Variants in CACNB2 observed in about 807,000 individuals in gnomAD.
CACNB2 encodes calcium voltage-gated channel auxiliary subunit beta 2, also known as voltage-dependent L-type calcium channel subunit beta-2.
A neutral mutation model predicts 73.3 loss-of-function variants in CACNB2; 42 were observed. That is an observed-to-expected ratio of 0.57 (90% CI 0.45 to 0.74). The LOEUF is 0.74. Among genes scored for constraint, CACNB2 ranks in the 30% least tolerant of loss-of-function variants. The pLI, the probability that CACNB2 is intolerant of heterozygous loss-of-function variation, is 0.00. For missense variants in CACNB2, 940 were observed against 853.0 expected, an observed-to-expected ratio of 1.10 and a Z score of -1.27; for synonymous variants, 348 against 310.3, an observed-to-expected ratio of 1.12 and a Z score of -1.28.
At chr10:18,175,637 GC>G (rs1464148560) in intron 2 of CACNB2, among the ~76,000 whole-genome samples, 1 of 152,016 alleles carries the variant, frequency 6.6e-6, no homozygotes, top group Non-Finnish European at 1.5e-5. Flanking sequence ...TCACTCTGCC[GC>G]CCAGGCTGGA....
At chr10:18,272,653 T>A (rs960025369) in intron 2 of CACNB2, among the ~76,000 whole-genome samples, 1 of 151,968 alleles carries the variant, frequency 6.6e-6, no homozygotes. Flanking sequence ...GAACAAGTCT[T>A]ACAATATCTG....
At chr10:18,476,717 C>G (rs2048458855) in intron 3 of CACNB2, among the ~76,000 whole-genome samples, 1 of 152,084 alleles carries the variant, frequency 6.6e-6, no homozygotes, top group Non-Finnish European at 1.5e-5. Flanking sequence ...AACAGAGGTA[C>G]TTTCAATTTC....
chr10:18,453,369 G>T (rs2047107408), intron 3 of CACNB2, among the ~76,000 whole-genome samples: 1 of 152,156 alleles, frequency 6.6e-6, no homozygotes, highest in Non-Finnish European at 1.5e-5. Context: ...TGTCCTTCCT[G>T]CCAGTCCCAC....
At chr10:18,303,700 G>A (rs2131845857) in intron 2 of CACNB2, among the ~76,000 whole-genome samples, 1 of 152,164 alleles carries the variant, frequency 6.6e-6, no homozygotes, top group East Asian at 1.9e-4. Context: ...ATACTGAGAG[G>A]CAACACCTGT....
At chr10:18,492,752 C>T (rs2049529828) in intron 3 of CACNB2, among the ~76,000 whole-genome samples, 1 of 151,810 alleles carries the variant, frequency 6.6e-6, no homozygotes, top group African/African-American at 2.4e-5. Flanking sequence ...TTGACTTTAA[C>T]AGCGAGTTAG....
At chr10:18,239,619 G>A (rs992416088) in intron 2 of CACNB2, among the ~76,000 whole-genome samples, 5 of 152,188 alleles carry the variant, frequency 3.3e-5, no homozygotes, top group African/African-American at 1.2e-4. Context: ...ATTGTGAATA[G>A]TGCTGCAATA....
intron 3 of CACNB2, among the ~76,000 whole-genome samples, chr10:18,491,390 C>G (rs554989118): frequency 6.6e-6 from 1 of 152,216 alleles, no homozygotes; most frequent in Admixed American, 6.5e-5. Context: ...TCAAGACCAG[C>G]CTGGGCATCA....
At chr10:18,303,997 C>G (rs1009057604) in intron 2 of CACNB2, among the ~76,000 whole-genome samples, 2 of 152,158 alleles carry the variant, frequency 1.3e-5, no homozygotes, top group Non-Finnish European at 2.9e-5. Flanking sequence ...GCTCTGTCAT[C>G]CAGGCTGGAG....
rs576222645 is a variant in CACNB2 at position 18,514,465 on chromosome 10, A to T, written c.804+96A>T. On this transcript the variant is annotated intron_variant, in intron 7 of 13. Coordinates refer to ENST00000324631, the MANE Select transcript of CACNB2 (RefSeq NM_201596.3). ...ACTGTCTGCGTCCTTTGATAAGCCAATAACGTGCATGCTCTGTTATTTGTT... is the reference window on the plus strand; with the variant it reads ...ACTGTCTGCGTCCTTTGATAAGCCATTAACGTGCATGCTCTGTTATTTGTT... 74 of 1,613,906 alleles carry T rather than the reference A, an allele frequency of 4.6e-5. 1 individual carries two copies. In the South Asian group the frequency reaches 7.9e-4, roughly 17 times the overall value.
chr10:18,376,516 A>C (rs966324246), intron 2 of CACNB2, among the ~76,000 whole-genome samples: 1 of 152,360 alleles, frequency 6.6e-6, no homozygotes, highest in Admixed American at 6.5e-5. Context: ...GTGGCTGGAC[A>C]GTTAAAGAGA....
intron 2 of CACNB2, among the ~76,000 whole-genome samples, chr10:18,217,643 G>A (rs2035567341): frequency 6.6e-6 from 1 of 151,786 alleles, no homozygotes; most frequent in Admixed American, 6.6e-5. Context: ...CACTGACAGA[G>A]TGACATTTGA....
chr10:18,164,929 C>T (rs1256809378), intron 2 of CACNB2, among the ~76,000 whole-genome samples: 1 of 152,154 alleles, frequency 6.6e-6, no homozygotes, highest in Non-Finnish European at 1.5e-5. Flanking sequence ...CTGACTCATT[C>T]ATTCATTTAT....
chr10:18,383,026 A>G (rs2132384818), intron 2 of CACNB2, among the ~76,000 whole-genome samples: 1 of 152,288 alleles, frequency 6.6e-6, no homozygotes, highest in Non-Finnish European at 1.5e-5. Flanking sequence ...TGTTTCACTC[A>G]TGATGGCATT....
At chr10:18,337,279 ACCACTATGCC>A (rs937500649) in intron 2 of CACNB2, among the ~76,000 whole-genome samples, 1 of 151,910 alleles carries the variant, frequency 6.6e-6, no homozygotes, top group Non-Finnish European at 1.5e-5. Flanking sequence ...ACGGACATGC[ACCACTATGCC>A]TGAGGTCTTT....
chr10:18,203,595 C>T (rs184864360), intron 2 of CACNB2, among the ~76,000 whole-genome samples: 1 of 152,250 alleles, frequency 6.6e-6, no homozygotes, highest in Admixed American at 6.5e-5. Context: ...CCCACACGTA[C>T]ATACATATGT....
chr10:18,338,659 T>C (rs1476689717), intron 2 of CACNB2, among the ~76,000 whole-genome samples: 1 of 104,606 alleles, frequency 9.6e-6, no homozygotes, highest in African/African-American at 5.4e-5. Flanking sequence ...TTCTCTCTCT[T>C]TTTCTTTTTT....
chr10:18,506,139 G>A (rs1212451848), intron 5 of CACNB2, among the ~76,000 whole-genome samples: 1 of 152,182 alleles, frequency 6.6e-6, no homozygotes. Context: ...CATCGCCTCT[G>A]AGGGTCTCTA....
intron 3 of CACNB2, among the ~76,000 whole-genome samples, chr10:18,411,773 G>T (rs893284068): frequency 6.6e-6 from 1 of 152,190 alleles, no homozygotes; most frequent in Non-Finnish European, 1.5e-5. Context: ...CTCCCAAAGT[G>T]CTGGAATTAC....
At chr10:18,324,582 G>A (rs1253833689) in intron 2 of CACNB2, among the ~76,000 whole-genome samples, 1 of 152,286 alleles carries the variant, frequency 6.6e-6, no homozygotes, top group Admixed American at 6.5e-5. Flanking sequence ...GTTGGGTGCA[G>A]TGGCTCACGC....
Sources: allele counts gnomAD v4.1 joint callset (sites outside exome capture counted in the v4.1 genomes callset), GRCh38; gene constraint gnomAD v4.1.1; transcripts MANE v1.5; gene names NCBI Gene and HGNC (gene_info 2026-07-23, HGNC 2026-07-21).